The following BRINP1 variants were observed in gnomAD, a reference collection of about 807,000 sequenced individuals.
BRINP1 encodes the protein BMP/retinoic acid inducible neural specific 1.
BRINP1 carries 17 observed loss-of-function variants against 72.9 expected under a neutral mutation model. The observed-to-expected ratio is 0.23, with a 90% CI of 0.16 to 0.35. The LOEUF (loss-of-function observed/expected upper bound fraction) is 0.35. Ranked by LOEUF, BRINP1 falls within the 10% of genes least tolerant of loss-of-function variation. The pLI, the probability that BRINP1 is intolerant of heterozygous loss-of-function variation, is 1.00. For synonymous variants in BRINP1, 418 were observed against 378.5 expected (o/e 1.10, Z -1.21); for missense variants, 850 against 1,001.6 (o/e 0.85, Z 2.04).
chr9:119,250,098 A>AG lies in BRINP1; in HGVS notation c.219-949_219-948insC, dbSNP rs1474226749. On this transcript the variant is annotated intron_variant, in intron 2 of 7. Transcript: ENST00000265922. The stretch of plus-strand genomic sequence containing the variant: ...GAAGGAAGAAAGGAAGGAAGGAAGG[A>AG]AGAAAAGGAAGGAGGGAGGGAGGGA... 1.0e-3 allele frequency among the ~76,000 whole-genome samples: 80 copies of AG among 80,108 alleles called. 1 individual carries two copies. The highest frequency in any genetic ancestry group is 1.5e-3 in the Non-Finnish European group (51 of 34,452). 52.6% of individuals were successfully genotyped at this position (80,108 alleles called of 152,430 possible).
intron 6 of BRINP1, among the ~76,000 whole-genome samples, chr9:119,210,083 A>C (rs935649206): frequency 6.6e-6 from 1 of 152,248 alleles, no homozygotes; most frequent in African/African-American, 2.4e-5. Context: ...ACTGAAGCCC[A>C]AAATGGGAAG....
intron 2 of BRINP1, chr9:119,282,742 T>A: frequency 1.1e-6 from 1 of 944,324 alleles, no homozygotes; most frequent in Non-Finnish European, 1.3e-6. Flanking sequence ...AAGAATGTTG[T>A]TCCTTTATTT....
At chr9:119,240,026 T>G (rs1239996404) in intron 4 of BRINP1, among the ~76,000 whole-genome samples, 1 of 151,996 alleles carries the variant, frequency 6.6e-6, no homozygotes, top group African/African-American at 2.4e-5. Flanking sequence ...ATCCCAGCAC[T>G]TTGGGAGGCT....
intron 1 of BRINP1, among the ~76,000 whole-genome samples, chr9:119,346,134 TA>T (rs1465528386): frequency 6.6e-6 from 1 of 152,116 alleles, no homozygotes; most frequent in Non-Finnish European, 1.5e-5. Flanking sequence ...GGCCAGAATA[TA>T]AAAAAGGTAC....
chr9:119,361,341 T>C (rs1831626692), intron 1 of BRINP1, among the ~76,000 whole-genome samples: 1 of 152,208 alleles, frequency 6.6e-6, no homozygotes, highest in Admixed American at 6.5e-5. Context: ...TATGGATCTC[T>C]AGGCAGTCTT....
At chr9:119,202,731 A>T (rs1829818495) in intron 7 of BRINP1, among the ~76,000 whole-genome samples, 2 of 152,148 alleles carry the variant, frequency 1.3e-5, no homozygotes, top group South Asian at 4.2e-4. Context: ...CTCAAACAGA[A>T]CCTAATATAT....
intron 1 of BRINP1, among the ~76,000 whole-genome samples, chr9:119,314,085 A>G (rs192024949): frequency 8.1e-4 from 124 of 152,322 alleles, no homozygotes; most frequent in Non-Finnish European, 1.0e-3. Context: ...GCAACGTTCA[A>G]TGGAATGTCT....
intron 1 of BRINP1, among the ~76,000 whole-genome samples, chr9:119,329,773 AT>A (rs1166353773): frequency 2.0e-5 from 3 of 152,214 alleles, no homozygotes; most frequent in Non-Finnish European, 2.9e-5. Flanking sequence ...CAAAACAAGC[AT>A]CTGAAGATGT....
chr9:119,239,118 G>A lies in BRINP1; in HGVS notation c.580-358C>T, dbSNP rs550825849. Among the ~76,000 whole-genome samples the A allele has an allele frequency of 2.0e-5, 3 of 152,292 alleles. No individual in the cohort carries two copies. In the East Asian group the frequency reaches 5.8e-4, roughly 29 times the overall value. On this transcript the variant is annotated intron_variant, in intron 4 of 7. Transcript: ENST00000265922. ...CCTGCCTAGGCCATGTATTTACCCT[G>A]GGACCTAGGGAAGCCAATTAATTTC...
At chr9:119,172,264 A>C (rs983244717) in intron 7 of BRINP1, among the ~76,000 whole-genome samples, 12 of 152,254 alleles carry the variant, frequency 7.9e-5, no homozygotes, top group Admixed American at 7.2e-4. Context: ...AAAGAGAAGA[A>C]TCAAATAGAC....
At chr9:119,185,110 C>T (rs1829602794) in intron 7 of BRINP1, among the ~76,000 whole-genome samples, 1 of 152,032 alleles carries the variant, frequency 6.6e-6, no homozygotes, top group Non-Finnish European at 1.5e-5. Flanking sequence ...GGTAGTTCCC[C>T]AGTCCTAGAA....
intron 2 of BRINP1, among the ~76,000 whole-genome samples, chr9:119,255,050 C>T (rs1482521593): frequency 1.3e-5 from 2 of 152,184 alleles, no homozygotes; most frequent in East Asian, 3.8e-4. Flanking sequence ...ACTTCAAGTG[C>T]AATACCCTTT....
chr9:119,360,683 A>C (rs912123913), intron 1 of BRINP1, among the ~76,000 whole-genome samples: 1 of 152,150 alleles, frequency 6.6e-6, no homozygotes, highest in African/African-American at 2.4e-5. Context: ...GTAATCTGTA[A>C]CGTGGCTAAA....
At chr9:119,363,702 G>A (rs745412151) in intron 1 of BRINP1, among the ~76,000 whole-genome samples, 28 of 152,174 alleles carry the variant, frequency 1.8e-4, no homozygotes, top group Non-Finnish European at 3.5e-4. Flanking sequence ...CCATGTACAT[G>A]CTACATTTCT....
Position 119,321,220 on chromosome 9 carries a change from C to T in BRINP1, c.-50-7815G>A, listed in dbSNP as rs370932399. Reference sequence around the variant, plus strand: ...TGCTGGGATTACAGGCGTGAGCCACCGCACCCGGCCATTGGTCCCCATTTT... The same window carrying T: ...TGCTGGGATTACAGGCGTGAGCCACTGCACCCGGCCATTGGTCCCCATTTT... On this transcript the variant is annotated intron_variant, in intron 1 of 7. Transcript: ENST00000265922. 3.4e-4 allele frequency among the ~76,000 whole-genome samples: 52 copies of T among 152,216 alleles called. 1 individual carries two copies. The highest frequency in any genetic ancestry group is 1.9e-3 in the South Asian group (9 of 4,824).
chr9:119,225,247 C>A (rs1312538120), intron 5 of BRINP1, among the ~76,000 whole-genome samples: 6 of 151,908 alleles, frequency 3.9e-5, no homozygotes, highest in Admixed American at 1.3e-4. Flanking sequence ...CATAGATGAA[C>A]CTTGAAAATG....
intron 2 of BRINP1, among the ~76,000 whole-genome samples, chr9:119,308,375 G>C (rs1470691111): frequency 6.6e-6 from 1 of 152,198 alleles, no homozygotes; most frequent in African/African-American, 2.4e-5. Context: ...AGTGGGGCAA[G>C]GGTGGGCTTC....
At chr9:119,310,499 G>A (rs182740382) in intron 2 of BRINP1, among the ~76,000 whole-genome samples, 54 of 152,278 alleles carry the variant, frequency 3.5e-4, no homozygotes, top group Non-Finnish European at 4.9e-4. Flanking sequence ...GCAGAAGCCA[G>A]CCTCTGTGTA....
At chr9:119,191,174 A>G (rs922813761) in intron 7 of BRINP1, among the ~76,000 whole-genome samples, 1 of 151,976 alleles carries the variant, frequency 6.6e-6, no homozygotes, top group Non-Finnish European at 1.5e-5. Context: ...CACAGCTAAC[A>G]TCATAATCAA....
Sources: gnomAD v4.1 joint callset for allele counts (sites outside exome capture counted in the v4.1 genomes callset) on GRCh38, gnomAD v4.1.1 for gene constraint, MANE v1.5 for transcripts, NCBI Gene and HGNC (gene_info 2026-07-23, HGNC 2026-07-21) for gene names.